SOX5: variants seen among roughly 807,000 people sequenced by gnomAD.
SOX5 encodes the protein SRY-box transcription factor 5.
A neutral mutation model predicts 92.0 loss-of-function variants in SOX5; 9 were observed. The ratio of observed to expected loss-of-function variants is 0.10; its 90% CI spans 0.06 to 0.17. SOX5 has a LOEUF of 0.17. SOX5 is among the 10% of genes least tolerant of loss of function. The probability of loss-of-function intolerance (pLI) is 1.00; values close to 1 mark genes in which losing one functional copy is unlikely to be tolerated. For missense variants in SOX5, 642 were observed against 944.5 expected (o/e 0.68, Z 4.20); for synonymous variants, 344 against 336.3 (o/e 1.02, Z -0.25).
At chr12:24,456,072 T>G (rs144535778) in intron 1 of SOX5, among the ~76,000 whole-genome samples, 1,886 of 152,234 alleles carry the variant, frequency 0.012, 13 homozygotes, top group Non-Finnish European at 0.02. Flanking sequence ...CTGAGAGCAC[T>G]TGCAATCTCT....
intron 8 of SOX5, among the ~76,000 whole-genome samples, chr12:23,608,595 A>G (rs547093831): frequency 6.6e-6 from 1 of 152,314 alleles, no homozygotes; most frequent in African/African-American, 2.4e-5. Context: ...TGGAAAACTT[A>G]AAAAGCAAGA....
chr12:23,710,862 G>C (rs2091984048), intron 6 of SOX5, among the ~76,000 whole-genome samples: 2 of 152,152 alleles, frequency 1.3e-5, no homozygotes, highest in African/African-American at 4.8e-5. Flanking sequence ...CACCAACAGG[G>C]TTAAAGTGTT....
intron 3 of SOX5, among the ~76,000 whole-genome samples, chr12:23,769,988 G>A (rs756380409): frequency 3.3e-5 from 5 of 150,702 alleles, no homozygotes; most frequent in Admixed American, 1.3e-4. Context: ...TCCATTAAAG[G>A]CCTCTGTTGG....
chr12:23,979,698 GTTTTTTTTGTTTTTTTTTTTTTT>G lies in SOX5; in HGVS notation c.-1-83697_-1-83675del, dbSNP rs1302958175. Among the ~76,000 whole-genome samples, 7 of 64,692 alleles carry G rather than the reference GTTTTTTTTGTTTTTTTTTTTTTT, an allele frequency of 1.1e-4. 1 individual carries two copies. Among genetic ancestry groups the G allele is most frequent in the Admixed American group, 6.2e-4 (2 of 3,250 alleles). 42.4% of individuals were successfully genotyped at this position (64,692 alleles called of 152,430 possible). ...TTCTTCCTTCCATATATATATATAT[GTTTTTTTTGTTTTTTTTTTTTTT>G]TTTTTTTTTTTTTGGAGACAGGGCC... On this transcript the variant is annotated intron_variant, in intron 4 of 4. Transcript: ENST00000446891.
intron 1 of SOX5, among the ~76,000 whole-genome samples, chr12:24,528,018 C>T (rs1411893859): frequency 6.6e-6 from 1 of 152,194 alleles, no homozygotes; most frequent in Non-Finnish European, 1.5e-5. Flanking sequence ...TTACAAAAAG[C>T]TGTCTTCATC....
At chr12:23,616,847 C>G (rs1201993053) in intron 8 of SOX5, among the ~76,000 whole-genome samples, 1 of 152,080 alleles carries the variant, frequency 6.6e-6, no homozygotes, top group Non-Finnish European at 1.5e-5. Context: ...TGACTGTCTG[C>G]TGAGGCTCAA....
chr12:24,059,854 T>C (rs1047517093), intron 4 of SOX5, among the ~76,000 whole-genome samples: 2 of 152,232 alleles, frequency 1.3e-5, no homozygotes, highest in African/African-American at 4.8e-5. Flanking sequence ...AAGGATACTG[T>C]GGGAGAAAGA....
chr12:24,056,221 C>T (rs1275249691), intron 4 of SOX5, among the ~76,000 whole-genome samples: 5 of 151,990 alleles, frequency 3.3e-5, no homozygotes, highest in Non-Finnish European at 7.4e-5. Flanking sequence ...TGACTTGTTC[C>T]CCACCTTTGA....
At chr12:24,464,729 A>G (rs1293670798) in intron 1 of SOX5, among the ~76,000 whole-genome samples, 2 of 152,216 alleles carry the variant, frequency 1.3e-5, no homozygotes, top group East Asian at 3.9e-4. Context: ...ATGAGATAGA[A>G]ACTAATAGTA....
chr12:24,003,769 GT>G (rs59230154), intron 4 of SOX5, among the ~76,000 whole-genome samples: 7 of 148,024 alleles, frequency 4.7e-5, no homozygotes, highest in South Asian at 2.1e-4. Context: ...ATGCCAGCAG[GT>G]TTTTTTTTTG....
intron 4 of SOX5, among the ~76,000 whole-genome samples, chr12:23,751,682 T>C (rs191546891): frequency 9.3e-4 from 142 of 152,052 alleles, no homozygotes; most frequent in African/African-American, 3.2e-3. Flanking sequence ...TGAAAGGCTA[T>C]AGTATTGCTG....
chr12:24,075,493 A>G (rs1942454371), intron 4 of SOX5, among the ~76,000 whole-genome samples: 1 of 152,146 alleles, frequency 6.6e-6, no homozygotes, highest in Non-Finnish European at 1.5e-5. Flanking sequence ...GTAAAAAAAT[A>G]TTTAGTTCTA....
At chr12:24,462,869 C>A (rs761327200) in intron 1 of SOX5, among the ~76,000 whole-genome samples, 47 of 152,082 alleles carry the variant, frequency 3.1e-4, no homozygotes, top group Non-Finnish European at 5.4e-4. Flanking sequence ...CAGAACTCTC[C>A]CCACCTCCTA....
At chr12:23,812,060 G>A (rs1425442121) in intron 3 of SOX5, among the ~76,000 whole-genome samples, 2 of 151,944 alleles carry the variant, frequency 1.3e-5, no homozygotes, top group Non-Finnish European at 2.9e-5. Flanking sequence ...CAAGTAATTT[G>A]CAATAATATT....
intron 1 of SOX5, among the ~76,000 whole-genome samples, chr12:24,388,401 G>GT (rs796923093): frequency 4.5e-4 from 69 of 152,222 alleles, no homozygotes; most frequent in African/African-American, 1.6e-3. Flanking sequence ...CAGTAGAAGA[G>GT]TGAGGTCAGG....
intron 3 of SOX5, among the ~76,000 whole-genome samples, chr12:24,249,936 A>G (rs1347414349): frequency 6.6e-6 from 1 of 152,210 alleles, no homozygotes; most frequent in Non-Finnish European, 1.5e-5. Flanking sequence ...GAAGGGAAAT[A>G]GTATCACGAT....
At chr12:24,313,198 C>T (rs1949362186) in intron 2 of SOX5, among the ~76,000 whole-genome samples, 2 of 152,048 alleles carry the variant, frequency 1.3e-5, no homozygotes, top group African/African-American at 4.8e-5. Flanking sequence ...AATGATCTAG[C>T]TCAAATATCA....
intron 1 of SOX5, among the ~76,000 whole-genome samples, chr12:24,419,032 T>C (rs1314733858): frequency 1.3e-5 from 2 of 152,144 alleles, no homozygotes; most frequent in African/African-American, 4.8e-5. Flanking sequence ...GCACAACAAA[T>C]GTTGTGTGTT....
At chr12:24,366,665 CCTT>C (rs1442787533) in intron 2 of SOX5, among the ~76,000 whole-genome samples, 4 of 152,128 alleles carry the variant, frequency 2.6e-5, no homozygotes, top group African/African-American at 7.2e-5. Flanking sequence ...ATAGCTGACT[CCTT>C]CTTCAGTGTA....
Sources: allele counts gnomAD v4.1 joint callset (sites outside exome capture counted in the v4.1 genomes callset), GRCh38; gene constraint gnomAD v4.1.1; transcripts MANE v1.5; gene names NCBI Gene and HGNC (gene_info 2026-07-23, HGNC 2026-07-21).